CHODL: variants seen among roughly 807,000 people sequenced by gnomAD.
CHODL encodes transmembrane protein MT75.
Under a neutral mutation model 34.5 loss-of-function variants are expected in CHODL, and 29 were observed. The observed-to-expected ratio is 0.84, with a 90% CI of 0.63 to 1.15. The LOEUF is 1.15. Ranked by LOEUF, CHODL falls within the 50% of genes most tolerant of loss-of-function variation. CHODL has a pLI of 0.00. For synonymous variants in CHODL, 125 were observed against 116.1 expected (o/e 1.08, Z -0.49); for missense variants, 332 against 332.5 (o/e 1.00, Z 0.01).
At chr21:18,085,954 T>C (rs2065001104) in intron 2 of CHODL, among the ~76,000 whole-genome samples, 1 of 151,892 alleles carries the variant, frequency 6.6e-6, no homozygotes, top group Non-Finnish European at 1.5e-5. Flanking sequence ...TTTTCTGAGC[T>C]TTTTATTCTC....
At chr21:17,925,898 G>C (rs552670197) in intron 1 of CHODL, among the ~76,000 whole-genome samples, 1 of 152,096 alleles carries the variant, frequency 6.6e-6, no homozygotes, top group South Asian at 2.1e-4. Context: ...AAGTTTCTTT[G>C]AGATGTTTAT....
intron 2 of CHODL, among the ~76,000 whole-genome samples, chr21:18,119,412 A>G (rs2146574182): frequency 6.6e-6 from 1 of 152,246 alleles, no homozygotes; most frequent in Admixed American, 6.5e-5. Flanking sequence ...TTTTCTGTGC[A>G]AACCTCACAA....
intron 2 of CHODL, among the ~76,000 whole-genome samples, chr21:18,219,342 A>G (rs1045664608): frequency 1.3e-5 from 2 of 152,164 alleles, no homozygotes; most frequent in African/African-American, 4.8e-5. Context: ...TCAGATCTCA[A>G]GAGAGCTCAC....
chr21:18,235,051 G>C (rs902774351), intron 2 of CHODL, among the ~76,000 whole-genome samples: 3 of 152,076 alleles, frequency 2.0e-5, no homozygotes, highest in Non-Finnish European at 4.4e-5. Flanking sequence ...GCATTGCAAA[G>C]GCAGAGAAAA....
intron 5 of CHODL, among the ~76,000 whole-genome samples, chr21:18,265,219 G>A (rs76298540): frequency 0.019 from 2,745 of 145,602 alleles, 102 homozygotes; most frequent in African/African-American, 0.067. Context: ...ATATGTATGT[G>A]TATATATATA....
intron 1 of CHODL, among the ~76,000 whole-genome samples, chr21:17,929,345 A>G (rs2063253040): frequency 6.6e-6 from 1 of 152,230 alleles, no homozygotes; most frequent in South Asian, 2.1e-4. Context: ...GTTTTTTGAA[A>G]GAAAAAGTAC....
chr21:17,936,464 T>TAAA (rs11294493), intron 1 of CHODL, among the ~76,000 whole-genome samples: 1 of 143,250 alleles, frequency 7.0e-6, no homozygotes, highest in East Asian at 2.0e-4. Flanking sequence ...AAGATGATGT[T>TAAA]AAAAAAAAAA....
At chr21:18,120,184 A>C (rs76202267) in intron 2 of CHODL, among the ~76,000 whole-genome samples, 3,595 of 152,280 alleles carry the variant, frequency 0.024, 115 homozygotes, top group East Asian at 0.11. Context: ...TATTAGAAGT[A>C]TAAATTATTG....
intron 2 of CHODL, among the ~76,000 whole-genome samples, chr21:18,139,314 T>C (rs1176463757): frequency 6.6e-6 from 1 of 152,058 alleles, no homozygotes; most frequent in African/African-American, 2.4e-5. Context: ...GAAGGGCCAC[T>C]GGAGAACCCA....
chr21:18,136,113 AAAAAAG>A (rs1162124038), intron 2 of CHODL, among the ~76,000 whole-genome samples: 1 of 146,472 alleles, frequency 6.8e-6, no homozygotes, highest in Non-Finnish European at 1.5e-5. Context: ...CTCAAAAAAA[AAAAAAG>A]AAAAAGAAAA....
rs2065431929 is a variant in CHODL at position 18,117,832 on chromosome 21, A to C, written c.-45+89861A>C. ...AAAGCTTGATAAAGGTGAATTGTTT[A>C]AACATTGCTATTAAATTAGCTTTAA... On this transcript the variant is annotated intron_variant, in intron 2 of 6. Coordinates refer to the CHODL transcript ENST00000400127. 2.0e-5 allele frequency among the ~76,000 whole-genome samples: 3 copies of C among 152,314 alleles called. No homozygotes were observed. In the South Asian group the frequency reaches 6.2e-4, roughly 32 times the overall value.
At chr21:17,944,734 A>G (rs539750790) in intron 1 of CHODL, among the ~76,000 whole-genome samples, 1 of 152,336 alleles carries the variant, frequency 6.6e-6, no homozygotes, top group South Asian at 2.1e-4. Flanking sequence ...GAGATCGCAT[A>G]ACAAGCTCTG....
intron 2 of CHODL, among the ~76,000 whole-genome samples, chr21:18,228,832 A>C (rs1036903705): frequency 1.1e-4 from 17 of 152,196 alleles, no homozygotes; most frequent in African/African-American, 4.1e-4. Context: ...GTGGAATAAT[A>C]ATTAAATAAC....
chr21:17,997,165 C>T (rs1298352768), intron 1 of CHODL, among the ~76,000 whole-genome samples: 1 of 152,212 alleles, frequency 6.6e-6, no homozygotes, highest in Non-Finnish European at 1.5e-5. Context: ...GAGAAATTCT[C>T]ATGTTGCATT....
At chr21:17,972,493 C>A (rs1447740213) in intron 1 of CHODL, among the ~76,000 whole-genome samples, 1 of 152,064 alleles carries the variant, frequency 6.6e-6, no homozygotes, top group Non-Finnish European at 1.5e-5. Context: ...TCCTATACAC[C>A]AATAATAGAC....
At chr21:18,252,338 C>T (rs2074267421) in intron 1 of CHODL, among the ~76,000 whole-genome samples, 1 of 152,142 alleles carries the variant, frequency 6.6e-6, no homozygotes. Flanking sequence ...AAATTCTCCA[C>T]GTTATCTCAC....
chr21:17,962,989 G>A (rs1042813705), intron 1 of CHODL, among the ~76,000 whole-genome samples: 40 of 151,818 alleles, frequency 2.6e-4, no homozygotes, highest in African/African-American at 8.0e-4. Context: ...GCATGAACCC[G>A]GGAGGCGGAG....
chr21:18,205,842 T>C (rs2073706120), intron 2 of CHODL, among the ~76,000 whole-genome samples: 1 of 152,110 alleles, frequency 6.6e-6, no homozygotes, highest in African/African-American at 2.4e-5. Context: ...GTTCAAGTGA[T>C]TCTTCTGCCT....
upstream of CHODL, among the ~76,000 whole-genome samples, chr21:18,244,018 C>A (rs2074106647): frequency 6.6e-6 from 1 of 152,182 alleles, no homozygotes; most frequent in Non-Finnish European, 1.5e-5. Flanking sequence ...TTCTTAAGAA[C>A]TTCTCTCCAG....
Sources: allele counts gnomAD v4.1 joint callset (sites outside exome capture counted in the v4.1 genomes callset), GRCh38; gene constraint gnomAD v4.1.1; transcripts MANE v1.5; gene names NCBI Gene and HGNC (gene_info 2026-07-23, HGNC 2026-07-21).